The following PHF24 variants were observed in gnomAD, a reference collection of about 807,000 sequenced individuals.
PHF24 encodes the protein PHD finger protein 24.
Under a neutral mutation model 42.6 loss-of-function variants are expected in PHF24, and 25 were observed. The observed-to-expected ratio is 0.59, with a 90% CI of 0.43 to 0.82. The LOEUF (loss-of-function observed/expected upper bound fraction) is 0.82. PHF24 is among the 40% of genes least tolerant of loss of function. The probability of loss-of-function intolerance (pLI) is 0.00; values close to 1 mark genes in which losing one functional copy is unlikely to be tolerated. For missense variants in PHF24, 470 were observed against 538.1 expected, an observed-to-expected ratio of 0.87 and a Z score of 1.25; for synonymous variants, 185 against 204.8, an observed-to-expected ratio of 0.90 and a Z score of 0.83.
At chr9:34,820,026 A>G in the PHF24 span, among the ~76,000 whole-genome samples, 1 of 151,966 alleles carries the variant, frequency 6.6e-6, no homozygotes, top group Non-Finnish European at 1.5e-5. Flanking sequence ...TGAACCTGTT[A>G]CCATTCTGAA....
the PHF24 span, among the ~76,000 whole-genome samples, chr9:34,937,031 TCAGCCCCCCCCCCGGGC>T: frequency 8.1e-6 from 1 of 124,142 alleles, no homozygotes; most frequent in Non-Finnish European, 1.7e-5. Flanking sequence ...GGTGGGGGGG[TCAGCCCCCCCCCCGGGC>T]CAGCCGCCCC....
the PHF24 span, among the ~76,000 whole-genome samples, chr9:34,762,286 T>C: frequency 6.8e-6 from 1 of 146,546 alleles, no homozygotes; most frequent in Non-Finnish European, 1.5e-5. Context: ...ACTTCCACAA[T>C]GATTGAACTA....
the PHF24 span, among the ~76,000 whole-genome samples, chr9:34,740,552 G>GCCCA: frequency 2.6e-5 from 4 of 152,320 alleles, no homozygotes; most frequent in South Asian, 8.3e-4. Context: ...CCAAGCCCAC[G>GCCCA]CCCACCTGGA....
the PHF24 span, chr9:34,728,459 A>G: frequency 3.2e-5 from 23 of 710,982 alleles, no homozygotes; most frequent in African/African-American, 4.1e-4. Context: ...TTCTCAAGTT[A>G]TGATTTCCCA....
At chr9:34,750,585 C>T in the PHF24 span, among the ~76,000 whole-genome samples, 1 of 151,608 alleles carries the variant, frequency 6.6e-6, no homozygotes, top group Admixed American at 6.6e-5. Flanking sequence ...GTTAGTTTTC[C>T]CTTTGCATGT....
the PHF24 span, among the ~76,000 whole-genome samples, chr9:34,887,451 C>T: frequency 6.6e-6 from 1 of 152,188 alleles, no homozygotes; most frequent in African/African-American, 2.4e-5. Context: ...GAGTCATCCT[C>T]TACCACTTTC....
the PHF24 span, chr9:34,832,723 G>A: frequency 6.5e-6 from 10 of 1,547,312 alleles, no homozygotes; most frequent in Non-Finnish European, 8.7e-6. Context: ...GGCATCACCA[G>A]CCCATGTAAA....
chr9:34,908,732 G>T, the PHF24 span, among the ~76,000 whole-genome samples: 3 of 151,950 alleles, frequency 2.0e-5, no homozygotes, highest in Non-Finnish European at 4.4e-5. Flanking sequence ...CCATAGTATG[G>T]TGTCCTTTGG....
chr9:34,832,888 C>T, the PHF24 span: 1 of 1,551,712 alleles, frequency 6.4e-7, no homozygotes, highest in Non-Finnish European at 8.7e-7. Flanking sequence ...GACTGTCTTG[C>T]AGGTCCTTCT....
the PHF24 span, among the ~76,000 whole-genome samples, chr9:34,853,137 T>C: frequency 5.3e-5 from 8 of 152,228 alleles, no homozygotes; most frequent in African/African-American, 1.9e-4. Flanking sequence ...GTATGTTCCT[T>C]CAGTACCTAG....
At chr9:34,673,675 G>A in the PHF24 span, among the ~76,000 whole-genome samples, 1 of 150,934 alleles carries the variant, frequency 6.6e-6, no homozygotes. Flanking sequence ...AGGCTGGAGT[G>A]CAGTGGTGTG....
At chr9:34,907,803 T>C in the PHF24 span, among the ~76,000 whole-genome samples, 2 of 151,468 alleles carry the variant, frequency 1.3e-5, no homozygotes, top group South Asian at 2.1e-4. Flanking sequence ...TTCGCTGTAG[T>C]TTTGGGGTTT....
exon 8 of PHF24, chr9:34,978,493 G>A (rs1484285322): frequency 1.0e-5 from 2 of 196,126 alleles, no homozygotes; most frequent in Non-Finnish European, 1.1e-5. Flanking sequence ...ATAGAGGAGG[G>A]GGTCTCTACT....
chr9:34,968,244 C>T (rs1374872252), intron 1 of PHF24, among the ~76,000 whole-genome samples: 1 of 152,090 alleles, frequency 6.6e-6, no homozygotes, highest in African/African-American at 2.4e-5. Flanking sequence ...TTCCCTATTG[C>T]TTAATATTTG....
chr9:34,831,002 C>T, the PHF24 span, among the ~76,000 whole-genome samples: 4 of 152,200 alleles, frequency 2.6e-5, no homozygotes, highest in Non-Finnish European at 4.4e-5. Flanking sequence ...CCCACCACCT[C>T]AGTTATGAGC....
At chr9:34,925,744 A>G in the PHF24 span, among the ~76,000 whole-genome samples, 1 of 151,928 alleles carries the variant, frequency 6.6e-6, no homozygotes, top group East Asian at 1.9e-4. Flanking sequence ...CCATTTCCTT[A>G]AGGTTGTTAT....
At chr9:34,768,815 G>C in the PHF24 span, among the ~76,000 whole-genome samples, 2 of 151,982 alleles carry the variant, frequency 1.3e-5, no homozygotes, top group Non-Finnish European at 2.9e-5. Flanking sequence ...AAGTAAAACT[G>C]TCACTATTGG....
chr9:34,718,330 C>G, the PHF24 span, among the ~76,000 whole-genome samples: 1 of 152,200 alleles, frequency 6.6e-6, no homozygotes, highest in East Asian at 1.9e-4. Context: ...TCCCAGGCCC[C>G]CCTCTCCCTC....
chr9:34,877,280 CAAAA>C, the PHF24 span, among the ~76,000 whole-genome samples: 5 of 114,378 alleles, frequency 4.4e-5, no homozygotes, highest in Admixed American at 9.3e-5. Context: ...GACTCTGTCT[CAAAA>C]AAAAAAAAAA....
Sources: allele counts gnomAD v4.1 joint callset (sites outside exome capture counted in the v4.1 genomes callset), GRCh38; gene constraint gnomAD v4.1.1; transcripts MANE v1.5; gene names NCBI Gene and HGNC (gene_info 2026-07-23, HGNC 2026-07-21).